The following FAM3C variants were observed in gnomAD, a reference collection of about 807,000 sequenced individuals.
FAM3C encodes FAM3 metabolism regulating signaling molecule C.
Under a neutral mutation model 32.5 loss-of-function variants are expected in FAM3C, and 15 were observed. The ratio of observed to expected loss-of-function variants is 0.46; its 90% CI spans 0.31 to 0.71. The LOEUF is 0.71. FAM3C is among the 30% of genes least tolerant of loss of function. The pLI, the probability that FAM3C is intolerant of heterozygous loss-of-function variation, is 0.05. For missense variants in FAM3C, 175 were observed against 274.4 expected (o/e 0.64, Z 2.56); for synonymous variants, 75 against 86.1 (o/e 0.87, Z 0.72).
chr7:121,394,201 AAACCTAAAATATATGGTGG>A (rs1027612225), intron 1 of FAM3C, among the ~76,000 whole-genome samples: 2 of 152,214 alleles, frequency 1.3e-5, no homozygotes, highest in African/African-American at 4.8e-5. Context: ...GAATCGTTCA[AAACCTAAAATATATGGTGG>A]AAAATATATG....
chr7:121,360,339 T>C (rs1236357830), intron 7 of FAM3C, among the ~76,000 whole-genome samples: 1 of 152,186 alleles, frequency 6.6e-6, no homozygotes, highest in East Asian at 1.9e-4. Context: ...AATTTCCCAT[T>C]CCTGATTTAT....
intron 1 of FAM3C, among the ~76,000 whole-genome samples, chr7:121,389,094 C>A (rs1794525859): frequency 6.6e-6 from 1 of 152,150 alleles, no homozygotes; most frequent in Non-Finnish European, 1.5e-5. Flanking sequence ...AAGTGCTCAG[C>A]TAAATCATGA....
chr7:121,353,437 G>C (rs1303672023), intron 8 of FAM3C, among the ~76,000 whole-genome samples: 2 of 152,186 alleles, frequency 1.3e-5, no homozygotes, highest in Admixed American at 1.3e-4. Context: ...AGAAGATACT[G>C]AGATCCTGTG....
chr7:121,356,764 G>A (rs1385169009), intron 8 of FAM3C, among the ~76,000 whole-genome samples: 1 of 152,126 alleles, frequency 6.6e-6, no homozygotes, highest in Non-Finnish European at 1.5e-5. Flanking sequence ...TCTCCAAAAG[G>A]AAGAATACAA....
At chr7:121,356,598 T>C (rs949343628) in intron 8 of FAM3C, among the ~76,000 whole-genome samples, 3 of 152,174 alleles carry the variant, frequency 2.0e-5, no homozygotes, top group Non-Finnish European at 2.9e-5. Context: ...TACTGGCACA[T>C]TAAGTAGGTA....
intron 5 of FAM3C, among the ~76,000 whole-genome samples, chr7:121,370,156 G>C (rs747214413): frequency 6.6e-6 from 1 of 152,168 alleles, no homozygotes; most frequent in Non-Finnish European, 1.5e-5. Context: ...GCCTTATTAT[G>C]CATCAGTAAA....
chr7:121,379,087 G>T (rs1047740332), intron 2 of FAM3C, 73 bp from the exon 3 acceptor site: 22 of 831,756 alleles, frequency 2.6e-5, no homozygotes, highest in East Asian at 2.2e-4. Context: ...TATGAAAAAT[G>T]TTTATAAATT....
At chr7:121,351,830 A>G (rs1409126096) in intron 8 of FAM3C, among the ~76,000 whole-genome samples, 1 of 152,238 alleles carries the variant, frequency 6.6e-6, no homozygotes, top group African/African-American at 2.4e-5. Context: ...TATTAACCAC[A>G]CAGCAGCTAA....
rs932707628 is a variant in FAM3C, at chr7:121,383,007, G to A, written c.-38C>T. 6.4e-7 allele frequency: 1 copy of A among 1,564,614 alleles called. No homozygotes were observed. ...AGTTTATGGCACTTTTCATTAATATGCTCCTAAAAAATCAAAACAAAAAGC... is the reference window on the plus strand; with the variant it reads ...AGTTTATGGCACTTTTCATTAATATACTCCTAAAAAATCAAAACAAAAAGC... On this transcript the variant is annotated 5_prime_UTR_variant, in exon 2 of 10. Transcript: ENST00000359943.
rs1793681668 is a variant in FAM3C, at chr7:121,350,464, G to A, written c.681C>T (p.Asp227=). 6.2e-7 allele frequency: 1 copy of A among 1,611,460 alleles called. No individual in the cohort carries two copies. The highest frequency in any genetic ancestry group is 8.5e-7 in the Non-Finnish European group (1 of 1,179,222). ...EMEGCIPQKQ[D] ...TTCAATTCTCTCCACATTTCCATTA[G>A]TCTTGCTTCTGGGGGATGCATCCTT... is the stretch of plus-strand genomic sequence containing the variant. The change falls in exon 10 of 10, where the codon GAC becomes GAT. Residue 227 remains aspartate (D), a synonymous_variant. Coordinates refer to ENST00000359943, the MANE Select transcript of FAM3C (RefSeq NM_014888.3).
At chr7:121,368,145 A>C (rs912926951) in intron 5 of FAM3C, among the ~76,000 whole-genome samples, 12 of 152,148 alleles carry the variant, frequency 7.9e-5, no homozygotes, top group Non-Finnish European at 1.8e-4. Context: ...CCTAATTGTA[A>C]TTATCACCTG....
At chr7:121,352,522 C>T (rs1327850482) in intron 8 of FAM3C, among the ~76,000 whole-genome samples, 1 of 152,110 alleles carries the variant, frequency 6.6e-6, no homozygotes, top group African/African-American at 2.4e-5. Context: ...GATTCGCCTC[C>T]TATATTAAGT....
intron 5 of FAM3C, 69 bp from the exon 6 acceptor site, chr7:121,364,257 T>A (rs1411231854): frequency 4.7e-6 from 5 of 1,068,464 alleles, no homozygotes; most frequent in Non-Finnish European, 7.0e-6. Flanking sequence ...AAAAATAAAG[T>A]CTTGCAAAAA....
chr7:121,385,885 G>T (rs1181751920), intron 1 of FAM3C, among the ~76,000 whole-genome samples: 1 of 152,098 alleles, frequency 6.6e-6, no homozygotes, highest in Non-Finnish European at 1.5e-5. Context: ...TCTAGTTGCT[G>T]GGGGCATTAA....
At chr7:121,372,084 A>G (rs763361097) in intron 4 of FAM3C, 26 bp downstream of exon 4, 1 of 1,571,364 alleles carries the variant, frequency 6.4e-7, no homozygotes, top group Non-Finnish European at 8.7e-7. Context: ...TAAATCATAC[A>G]TAAAATATTG....
At chr7:121,368,388 A>T (rs1354460934) in intron 5 of FAM3C, among the ~76,000 whole-genome samples, 1 of 152,220 alleles carries the variant, frequency 6.6e-6, no homozygotes, top group African/African-American at 2.4e-5. Flanking sequence ...ATGTACTCAG[A>T]GCAGGTGCTG....
At chr7:121,394,540 G>C (rs1794645461) in intron 1 of FAM3C, among the ~76,000 whole-genome samples, 1 of 152,190 alleles carries the variant, frequency 6.6e-6, no homozygotes. Context: ...GTTCCCATTG[G>C]TAATTCAGAG....
At chr7:121,383,072 T>C (rs754350116) in intron 1 of FAM3C, 62 bp from the exon 2 acceptor site, 80 of 897,764 alleles carry the variant, frequency 8.9e-5, no homozygotes, top group Admixed American at 6.0e-4. Flanking sequence ...CTCCTTAGAT[T>C]GAGTTTGAAA....
At chr7:121,382,914 T>C (rs1162898971) in intron 2 of FAM3C, 43 bp downstream of exon 2, 1 of 1,482,390 alleles carries the variant, frequency 6.7e-7, no homozygotes. Context: ...ACAAACAGGT[T>C]ACACAAAAAG....
Sources: allele counts gnomAD v4.1 joint callset (sites outside exome capture counted in the v4.1 genomes callset), GRCh38; gene constraint gnomAD v4.1.1; transcripts MANE v1.5; gene names NCBI Gene and HGNC (gene_info 2026-07-23, HGNC 2026-07-21).